MBTD1: variants seen among roughly 807,000 people sequenced by gnomAD.
MBTD1 encodes MBT domain-containing protein 1.
Under a neutral mutation model 87.8 loss-of-function variants are expected in MBTD1, and 24 were observed. That is an observed-to-expected ratio of 0.27 (90% confidence interval 0.20 to 0.38). MBTD1 has a LOEUF of 0.38. Among genes scored for constraint, MBTD1 ranks in the 10% least tolerant of loss-of-function variants. The probability of loss-of-function intolerance (pLI) is 1.00; values close to 1 mark genes in which losing one functional copy is unlikely to be tolerated. For missense variants in MBTD1, 436 were observed against 760.2 expected (o/e 0.57, Z 5.02); for synonymous variants, 237 against 248.6 (o/e 0.95, Z 0.44).
intron 2 of MBTD1, among the ~76,000 whole-genome samples, chr17:51,242,762 T>C (rs1215066048): frequency 6.6e-6 from 1 of 152,242 alleles, no homozygotes. Context: ...TCATTCTTCC[T>C]GTGTACATTT....
chr17:51,196,034 A>C (rs899741874), intron 12 of MBTD1, among the ~76,000 whole-genome samples: 1 of 151,998 alleles, frequency 6.6e-6, no homozygotes, highest in Non-Finnish European at 1.5e-5. Flanking sequence ...CTGCCTCCTG[A>C]GTAGCTAGGA....
At chr17:51,197,113 T>C (rs1484228348) in intron 12 of MBTD1, among the ~76,000 whole-genome samples, 1 of 90,134 alleles carries the variant, frequency 1.1e-5, no homozygotes, top group Non-Finnish European at 2.2e-5. Context: ...TATATATATA[T>C]ATATGGAGGA....
intron 12 of MBTD1, among the ~76,000 whole-genome samples, chr17:51,197,298 C>T (rs778718781): frequency 2.0e-5 from 3 of 150,882 alleles, no homozygotes; most frequent in Non-Finnish European, 3.0e-5. Context: ...GATGGGGTTT[C>T]GCCATGTTGG....
chr17:51,260,624 A>G, upstream of MBTD1: 3 of 1,612,662 alleles, frequency 1.9e-6, no homozygotes. Context: ...ACTGGACCGG[A>G]GAACCGGAGC....
intron 2 of MBTD1, among the ~76,000 whole-genome samples, chr17:51,257,325 A>T (rs1294093731): frequency 1.3e-5 from 2 of 152,218 alleles, no homozygotes; most frequent in East Asian, 3.8e-4. Flanking sequence ...ACAAAGAGCA[A>T]CCCAAAGAAT....
chr17:51,208,411 A>G (rs1484734509), intron 6 of MBTD1, among the ~76,000 whole-genome samples: 1 of 152,238 alleles, frequency 6.6e-6, no homozygotes, highest in Non-Finnish European at 1.5e-5. Context: ...CTTTAAACTG[A>G]AAGACTGGAC....
intron 2 of MBTD1, among the ~76,000 whole-genome samples, chr17:51,227,017 C>T (rs867120000): frequency 2.6e-5 from 4 of 151,708 alleles, no homozygotes; most frequent in Admixed American, 2.0e-4. Flanking sequence ...CCGAGGCAGG[C>T]GGATCACAAG....
At chr17:51,208,213 G>C (rs148296752) in intron 6 of MBTD1, among the ~76,000 whole-genome samples, 1 of 152,314 alleles carries the variant, frequency 6.6e-6, no homozygotes, top group African/African-American at 2.4e-5. Flanking sequence ...GTCAAATACT[G>C]AAGTTGGATA....
chr17:51,212,291 G>A (rs2052279010), intron 6 of MBTD1, among the ~76,000 whole-genome samples: 1 of 151,540 alleles, frequency 6.6e-6, no homozygotes, highest in Admixed American at 6.6e-5. Flanking sequence ...CCGGGAAGCA[G>A]AGGTTGCAGT....
At chr17:51,256,198 G>A (rs2144286924) in intron 2 of MBTD1, 1 of 152,238 alleles carries the variant, frequency 6.6e-6, no homozygotes, top group South Asian at 2.1e-4. Flanking sequence ...TTAAACAGCG[G>A]GCATAACATC....
intron 1 of MBTD1, 23 bp downstream of exon 1, chr17:51,259,812 C>T (rs2055362776): frequency 8.1e-7 from 1 of 1,232,526 alleles, no homozygotes; most frequent in Non-Finnish European, 1.0e-6. Context: ...GCACACAAAG[C>T]GGCTGCCGCG....
intron 7 of MBTD1, among the ~76,000 whole-genome samples, chr17:51,204,727 T>C (rs1292573703): frequency 7.9e-5 from 12 of 151,962 alleles, no homozygotes; most frequent in Non-Finnish European, 1.6e-4. Flanking sequence ...TCTCGAACTC[T>C]CAACCTCAGG....
intron 2 of MBTD1, among the ~76,000 whole-genome samples, chr17:51,226,011 T>C (rs2053195295): frequency 2.7e-5 from 4 of 150,492 alleles, no homozygotes; most frequent in African/African-American, 7.3e-5. Flanking sequence ...ACTCCTGAAC[T>C]CAGGTGATCC....
At chr17:51,254,982 G>C (rs980586108) in intron 2 of MBTD1, among the ~76,000 whole-genome samples, 1 of 152,158 alleles carries the variant, frequency 6.6e-6, no homozygotes, top group Non-Finnish European at 1.5e-5. Flanking sequence ...TCATTTATTA[G>C]TATGTTAACA....
At position 51,259,991 on chromosome 17, in the gene MBTD1, G is replaced by T; in HGVS notation, c.-269C>A. On this transcript the variant is annotated 5_prime_UTR_variant, in exon 1 of 17. Coordinates refer to ENST00000586178, the MANE Select transcript of MBTD1 (RefSeq NM_017643.3). ...GGCTGGGCCCAGACCGGTGGCGGGTGCAGCAGCCCCCGGATTTCCCCCCTT... is the reference window on the plus strand; with the variant it reads ...GGCTGGGCCCAGACCGGTGGCGGGTTCAGCAGCCCCCGGATTTCCCCCCTT... 1.5e-6 allele frequency: 1 copy of T among 662,080 alleles called. No homozygotes were observed. Among genetic ancestry groups the T allele is most frequent in the Non-Finnish European group, 2.1e-6 (1 of 467,788 alleles). The allele number at this position is 662,080 out of a possible 1,614,324, so 41.0% of individuals were successfully genotyped here. A position where few individuals can be genotyped will look rare whatever the true frequency, so the allele number is the denominator to read the frequency against.
intron 3 of MBTD1, among the ~76,000 whole-genome samples, chr17:51,224,429 A>AAG (rs1224738427): frequency 3.9e-5 from 6 of 152,238 alleles, no homozygotes; most frequent in Admixed American, 3.9e-4. Flanking sequence ...GACTCCCAGA[A>AAG]GCAAAGTTAA....
At chr17:51,224,316 T>C (rs2053087184) in intron 3 of MBTD1, among the ~76,000 whole-genome samples, 1 of 152,162 alleles carries the variant, frequency 6.6e-6, no homozygotes, top group African/African-American at 2.4e-5. Context: ...TTGGTATGCC[T>C]TAGAGATAAA....
intron 12 of MBTD1, among the ~76,000 whole-genome samples, chr17:51,197,827 A>G (rs1212594880): frequency 1.3e-5 from 2 of 151,802 alleles, no homozygotes; most frequent in East Asian, 3.9e-4. Context: ...TTTCTGAAAC[A>G]TTTTCTCCTA....
intron 13 of MBTD1, among the ~76,000 whole-genome samples, chr17:51,194,761 T>C (rs1054177958): frequency 6.6e-6 from 1 of 150,794 alleles, no homozygotes; most frequent in Non-Finnish European, 1.5e-5. Flanking sequence ...GGTTGTGCCT[T>C]TCAGCTGTAG....
Sources: gnomAD v4.1 joint callset for allele counts (sites outside exome capture counted in the v4.1 genomes callset) on GRCh38, gnomAD v4.1.1 for gene constraint, MANE v1.5 for transcripts, NCBI Gene and HGNC (gene_info 2026-07-23, HGNC 2026-07-21) for gene names.